The following MRPL44 variants were observed in gnomAD, a reference collection of about 807,000 sequenced individuals.
The protein encoded by MRPL44 is large ribosomal subunit protein mL44.
A neutral mutation model predicts 25.9 loss-of-function variants in MRPL44; 21 were observed. The ratio of observed to expected loss-of-function variants is 0.81; its 90% confidence interval spans 0.58 to 1.17. MRPL44 has a LOEUF of 1.17. Among genes scored for constraint, MRPL44 ranks in the 50% most tolerant of loss-of-function variants. MRPL44 has a pLI of 0.00. For synonymous variants in MRPL44, 169 were observed against 151.0 expected, an observed-to-expected ratio of 1.12 and a Z score of -0.87; for missense variants, 410 against 398.9, an observed-to-expected ratio of 1.03 and a Z score of -0.24.
chr2:223,957,124 A>C (rs1199993586), upstream of MRPL44, among the ~76,000 whole-genome samples: 1 of 152,264 alleles, frequency 6.6e-6, no homozygotes. Context: ...CCTGAAAGCG[A>C]AACAGATTTT....
In MRPL44 at chr2:223,958,741, A is replaced by G. The variant is rs115497543; in HGVS notation, c.180-793A>G. Reference sequence around the variant, plus strand: ...ATATGCAGATACAGGTATACCTCATACATATTGTAGGGTTGGTTCTAGACC... The same window carrying G: ...ATATGCAGATACAGGTATACCTCATGCATATTGTAGGGTTGGTTCTAGACC... On this transcript the variant is annotated intron_variant, in intron 1 of 3. Coordinates refer to ENST00000258383, the MANE Select transcript of MRPL44 (RefSeq NM_022915.5). Among the ~76,000 whole-genome samples, 836 of 152,346 alleles carry G rather than the reference A, an allele frequency of 5.5e-3. 3 individuals carry two copies. The highest frequency in any genetic ancestry group is 0.019 in the African/African-American group (793 of 41,564).
At chr2:223,954,397 A>G (rs1689534092), upstream of MRPL44, among the ~76,000 whole-genome samples, 1 of 152,242 alleles carries the variant, frequency 6.6e-6, no homozygotes, top group Non-Finnish European at 1.5e-5. Flanking sequence ...AGTGGCATAA[A>G]GCAACAAACG....
Position 223,957,494 on chromosome 2 carries a change from T to A in MRPL44, c.22T>A (p.Leu8Met). 1 of 1,614,170 alleles carries A rather than the reference T, an allele frequency of 6.2e-7. No homozygotes were observed. Among genetic ancestry groups the A allele is most frequent in the Non-Finnish European group, 8.5e-7 (1 of 1,180,010 alleles). The change falls in exon 1 of 4, where the codon TTG (leucine) becomes ATG (methionine). Residue 8 changes from leucine to methionine, a missense_variant. Coordinates refer to ENST00000258383, the MANE Select transcript of MRPL44 (RefSeq NM_022915.5). ...TGCAATGGCGTCCGGGCTGGTAAGA[T>A]TGCTGCAGCAGGGACATCGCTGCCT... MASGLVR[L>M]LQQGHRCLLA...
intron 2 of MRPL44, 81 bp downstream of exon 2, chr2:223,960,083 C>T (rs1673326307): frequency 8.6e-7 from 1 of 1,166,920 alleles, no homozygotes; most frequent in African/African-American, 1.6e-5. Context: ...TGATATATCA[C>T]CTTGGAAGTG....
upstream of MRPL44, among the ~76,000 whole-genome samples, chr2:223,953,025 A>G (rs1054812756): frequency 1.3e-5 from 2 of 152,134 alleles, no homozygotes; most frequent in African/African-American, 2.4e-5. Flanking sequence ...ATAAGGCAAT[A>G]TTTCAGTAAT....
upstream of MRPL44, among the ~76,000 whole-genome samples, chr2:223,954,032 C>G (rs189515776): frequency 1.9e-3 from 288 of 152,302 alleles, 1 homozygote; most frequent in African/African-American, 6.8e-3. Flanking sequence ...AAACCCTGTG[C>G]TTGACATCTT....
upstream of MRPL44, among the ~76,000 whole-genome samples, chr2:223,954,978 C>G (rs986889440): frequency 5.3e-4 from 81 of 152,312 alleles, no homozygotes; most frequent in Non-Finnish European, 2.4e-4. Context: ...CTGGAATAAG[C>G]TCCATGAAAC....
chr2:223,966,747 A>C (rs1482866821), intron 3 of MRPL44, 116 bp from the exon 4 acceptor site: 23 of 842,144 alleles, frequency 2.7e-5, no homozygotes, highest in Non-Finnish European at 4.1e-5. Flanking sequence ...CTATTGTGTT[A>C]CTTCTAATGG....
At chr2:223,966,060 T>G (rs1393235528) in intron 3 of MRPL44, among the ~76,000 whole-genome samples, 4 of 151,998 alleles carry the variant, frequency 2.6e-5, no homozygotes, top group Non-Finnish European at 5.9e-5. Flanking sequence ...CCGTCTCTAC[T>G]AAAAATACAA....
upstream of MRPL44, among the ~76,000 whole-genome samples, chr2:223,952,551 G>A (rs1689508325): frequency 6.6e-6 from 1 of 152,084 alleles, no homozygotes; most frequent in East Asian, 1.9e-4. Context: ...TACAATTATG[G>A]CAATACTGAT....
At chr2:223,951,161 A>G in the MRPL44 span, among the ~76,000 whole-genome samples, 1 of 152,246 alleles carries the variant, frequency 6.6e-6, no homozygotes, top group African/African-American at 2.4e-5. Context: ...AATGCTGCAG[A>G]TCAAGCAAAT....
the MRPL44 span, among the ~76,000 whole-genome samples, chr2:223,951,480 T>TTTTTTTTGTTTTGTTTTG: frequency 4.7e-3 from 622 of 132,678 alleles, 20 homozygotes; most frequent in Middle Eastern, 0.014. Flanking sequence ...ACCTTGGAGT[T>TTTTTTTTGTTTTGTTTTG]TTTTTTTTTT....
intron 3 of MRPL44, among the ~76,000 whole-genome samples, chr2:223,966,507 C>T (rs1448623367): frequency 2.0e-5 from 3 of 152,118 alleles, no homozygotes; most frequent in East Asian, 1.9e-4. Context: ...TAAAAATAGT[C>T]ATAATTCCTG....
intron 2 of MRPL44, among the ~76,000 whole-genome samples, chr2:223,961,079 T>TCAACA (rs765320413): frequency 1.3e-5 from 2 of 152,206 alleles, no homozygotes; most frequent in Non-Finnish European, 2.9e-5. Flanking sequence ...TGCCTTACTA[T>TCAACA]GGGCCAGGCA....
chr2:223,955,551 A>T (rs1299128138), upstream of MRPL44, among the ~76,000 whole-genome samples: 1 of 152,168 alleles, frequency 6.6e-6, no homozygotes, highest in Non-Finnish European at 1.5e-5. Context: ...CATTGAAGGA[A>T]TATATAAGCA....
intron 2 of MRPL44, among the ~76,000 whole-genome samples, chr2:223,961,762 C>A (rs573832131): frequency 1.3e-5 from 2 of 152,164 alleles, no homozygotes; most frequent in East Asian, 1.9e-4. Flanking sequence ...CAACTCAAAC[C>A]CTACTAGAAA....
intron 3 of MRPL44, among the ~76,000 whole-genome samples, chr2:223,966,627 G>A (rs754028840): frequency 2.0e-5 from 3 of 152,174 alleles, no homozygotes; most frequent in Non-Finnish European, 2.9e-5. Flanking sequence ...TTTTTGACTT[G>A]ACAGAGTTGT....
intron 3 of MRPL44, among the ~76,000 whole-genome samples, chr2:223,966,264 C>G (rs1689739847): frequency 6.6e-6 from 1 of 150,600 alleles, no homozygotes; most frequent in African/African-American, 2.4e-5. Flanking sequence ...TGTGAGCCAT[C>G]ATGCCCAGCC....
At chr2:223,951,141 G>C in the MRPL44 span, among the ~76,000 whole-genome samples, 1 of 152,184 alleles carries the variant, frequency 6.6e-6, no homozygotes, top group Admixed American at 6.5e-5. Context: ...GGAAGTGATC[G>C]ACTGTGTCAA....
Sources: allele counts gnomAD v4.1 joint callset (sites outside exome capture counted in the v4.1 genomes callset), GRCh38; gene constraint gnomAD v4.1.1; transcripts MANE v1.5; gene names NCBI Gene and HGNC (gene_info 2026-07-23, HGNC 2026-07-21).